Variants in USH2A observed in about 807,000 individuals in gnomAD.
USH2A encodes the protein Usher syndrome 2A (autosomal recessive, mild).
Under a neutral mutation model 538.9 loss-of-function variants are expected in USH2A, and 443 were observed. The ratio of observed to expected loss-of-function variants is 0.82; its 90% CI spans 0.76 to 0.89. USH2A has a LOEUF of 0.89. USH2A is among the 40% of genes least tolerant of loss of function. The pLI, the probability that USH2A is intolerant of heterozygous loss-of-function variation, is 0.00. For missense variants in USH2A, 6,633 were observed against 6,324.8 expected (o/e 1.05, Z -1.65); for synonymous variants, 2,413 against 2,273.5 (o/e 1.06, Z -1.75).
chr1:215,742,568 C>T (rs921090223), intron 59 of USH2A, among the ~76,000 whole-genome samples: 17 of 152,062 alleles, frequency 1.1e-4, no homozygotes, highest in Non-Finnish European at 1.6e-4. Context: ...ATTCCCTGTT[C>T]TCCCCTCCTA....
intron 11 of USH2A, among the ~76,000 whole-genome samples, chr1:216,276,994 T>G (rs2036682132): frequency 6.6e-6 from 1 of 152,134 alleles, no homozygotes; most frequent in African/African-American, 2.4e-5. Context: ...AATAATTTGT[T>G]TAAACAAACT....
At chr1:216,011,139 T>C (rs1484050237) in intron 32 of USH2A, among the ~76,000 whole-genome samples, 1 of 152,196 alleles carries the variant, frequency 6.6e-6, no homozygotes, top group Admixed American at 6.5e-5. Context: ...GTTCAGGATC[T>C]ATGCCTTATC....
chr1:216,067,365 T>C (rs970689045), intron 30 of USH2A, among the ~76,000 whole-genome samples: 7 of 151,730 alleles, frequency 4.6e-5, no homozygotes, highest in African/African-American at 1.7e-4. Flanking sequence ...TGTATACCTA[T>C]GTAACAAGCC....
chr1:215,939,589 G>C (rs1324986551), intron 37 of USH2A, among the ~76,000 whole-genome samples: 1 of 151,844 alleles, frequency 6.6e-6, no homozygotes, highest in Non-Finnish European at 1.5e-5. Context: ...TTATTTTTAA[G>C]GAAAAAACAG....
At chr1:216,006,571 A>G (rs1403399285) in intron 32 of USH2A, among the ~76,000 whole-genome samples, 1 of 152,192 alleles carries the variant, frequency 6.6e-6, no homozygotes, top group African/African-American at 2.4e-5. Flanking sequence ...GAACACACTG[A>G]AAGAGTCTAG....
chr1:216,174,960 T>C (rs762404253), intron 21 of USH2A: 1 of 1,222,542 alleles, frequency 8.2e-7, no homozygotes, highest in Non-Finnish European at 1.0e-6. Context: ...TCAAGAAACA[T>C]GTCCTGGCAC....
chr1:216,412,296 C>T (rs764258929), intron 3 of USH2A, among the ~76,000 whole-genome samples: 20 of 152,028 alleles, frequency 1.3e-4, no homozygotes, highest in Non-Finnish European at 2.4e-4. Flanking sequence ...ATGCAAAAAA[C>T]GTACAGAGAA....
At chr1:215,981,420 A>G (rs1667750205) in intron 35 of USH2A, among the ~76,000 whole-genome samples, 1 of 152,146 alleles carries the variant, frequency 6.6e-6, no homozygotes, top group South Asian at 2.1e-4. Flanking sequence ...CTCGTTTATT[A>G]TTATGAAACT....
chr1:215,657,658 C>T (rs553374318), intron 64 of USH2A, among the ~76,000 whole-genome samples: 11 of 152,116 alleles, frequency 7.2e-5, no homozygotes, highest in Non-Finnish European at 1.3e-4. Flanking sequence ...CAAGATAGAA[C>T]GTGATTTTAA....
intron 3 of USH2A, among the ~76,000 whole-genome samples, chr1:216,402,577 T>C (rs945075931): frequency 8.5e-5 from 13 of 152,226 alleles, no homozygotes; most frequent in Admixed American, 7.8e-4. Flanking sequence ...ACTTAATGAA[T>C]AGTAAATATA....
intron 18 of USH2A, among the ~76,000 whole-genome samples, chr1:216,197,249 G>T (rs59523961): frequency 2.0e-5 from 3 of 152,098 alleles, no homozygotes; most frequent in African/African-American, 7.2e-5. Context: ...GAAATGTTCA[G>T]GTTACATACA....
intron 14 of USH2A, among the ~76,000 whole-genome samples, chr1:216,219,293 G>A (rs2035406946): frequency 6.6e-6 from 1 of 152,026 alleles, no homozygotes; most frequent in Admixed American, 6.6e-5. Flanking sequence ...ATAATCACTT[G>A]ACTTCAGTAA....
At chr1:216,291,149 T>A (rs1460887691) in intron 10 of USH2A, among the ~76,000 whole-genome samples, 8 of 84,804 alleles carry the variant, frequency 9.4e-5, no homozygotes, top group African/African-American at 2.0e-4. Context: ...CTCCTTGACC[T>A]TAGATAAAAG....
intron 56 of USH2A, among the ~76,000 whole-genome samples, chr1:215,765,368 T>C (rs914926754): frequency 1.3e-5 from 2 of 152,130 alleles, no homozygotes; most frequent in African/African-American, 4.8e-5. Context: ...ATATGCCCCA[T>C]ATGTGGAATT....
intron 32 of USH2A, among the ~76,000 whole-genome samples, chr1:216,027,260 C>A (rs1668988882): frequency 1.3e-5 from 2 of 152,002 alleles, no homozygotes; most frequent in Non-Finnish European, 2.9e-5. Flanking sequence ...ATAAAGACAC[C>A]AGGGTGTGCG....
At chr1:215,938,376 C>T (rs969866461) in intron 37 of USH2A, among the ~76,000 whole-genome samples, 7 of 152,018 alleles carry the variant, frequency 4.6e-5, no homozygotes, top group Admixed American at 6.6e-5. Context: ...TCCTTTCTTC[C>T]TTTGAACTTT....
chr1:216,368,922 T>C (rs1558057395), intron 3 of USH2A, among the ~76,000 whole-genome samples: 1 of 152,206 alleles, frequency 6.6e-6, no homozygotes, highest in Non-Finnish European at 1.5e-5. Flanking sequence ...AACCATTTTA[T>C]GCATTCAGAA....
intron 22 of USH2A, among the ~76,000 whole-genome samples, chr1:216,089,596 A>G (rs2032244919): frequency 6.6e-6 from 1 of 152,082 alleles, no homozygotes. Context: ...CAAAATTATC[A>G]ATAACAAATG....
intron 37 of USH2A, among the ~76,000 whole-genome samples, chr1:215,953,682 G>A (rs1243667141): frequency 6.6e-6 from 1 of 151,928 alleles, no homozygotes; most frequent in African/African-American, 2.4e-5. Flanking sequence ...AACACCAAAA[G>A]CAATGGCAAC....
Sources: allele counts gnomAD v4.1 joint callset (sites outside exome capture counted in the v4.1 genomes callset), GRCh38; gene constraint gnomAD v4.1.1; transcripts MANE v1.5; gene names NCBI Gene and HGNC (gene_info 2026-07-23, HGNC 2026-07-21).